PDZRN4: variants seen among roughly 807,000 people sequenced by gnomAD.
PDZRN4 encodes the protein PDZ domain-containing RING finger protein 4.
In PDZRN4, 70 loss-of-function variants were observed where a neutral mutation model predicts 99.0. That is an observed-to-expected ratio of 0.71 (90% confidence interval 0.58 to 0.86). The LOEUF (loss-of-function observed/expected upper bound fraction) is 0.86. Among genes scored for constraint, PDZRN4 ranks in the 40% least tolerant of loss-of-function variants. The pLI is 0.00. For synonymous variants in PDZRN4, 551 were observed against 501.6 expected, an observed-to-expected ratio of 1.10 and a Z score of -1.32; for missense variants, 1,474 against 1,331.2, an observed-to-expected ratio of 1.11 and a Z score of -1.67.
At chr12:41,526,508 A>G (rs1938569674) in intron 5 of PDZRN4, among the ~76,000 whole-genome samples, 2 of 152,234 alleles carry the variant, frequency 1.3e-5, no homozygotes, top group South Asian at 4.1e-4. Context: ...ATTTTAAAAC[A>G]TGATGGTAAT....
chr12:41,375,303 C>T (rs893502075), intron 3 of PDZRN4, among the ~76,000 whole-genome samples: 3 of 152,196 alleles, frequency 2.0e-5, no homozygotes, highest in Admixed American at 2.0e-4. Flanking sequence ...TCAACGAGAG[C>T]CAATACATAT....
intron 7 of PDZRN4, among the ~76,000 whole-genome samples, chr12:41,556,874 G>C (rs990373621): frequency 7.9e-5 from 12 of 151,520 alleles, no homozygotes; most frequent in African/African-American, 2.9e-4. Context: ...CAGGGGCCAG[G>C]CCCGGTGGCT....
chr12:41,254,645 T>C (rs903221822), intron 3 of PDZRN4, among the ~76,000 whole-genome samples: 1 of 152,196 alleles, frequency 6.6e-6, no homozygotes, highest in African/African-American at 2.4e-5. Context: ...ACAAGACAGA[T>C]CCTCTGCAGT....
intron 5 of PDZRN4, among the ~76,000 whole-genome samples, chr12:41,551,636 T>C (rs1304027966): frequency 6.6e-6 from 1 of 152,158 alleles, no homozygotes; most frequent in Non-Finnish European, 1.5e-5. Flanking sequence ...GCAAGACAGA[T>C]AAATTCAGAG....
chr12:41,389,578 C>T (rs899405213), intron 3 of PDZRN4, among the ~76,000 whole-genome samples: 1 of 152,138 alleles, frequency 6.6e-6, no homozygotes, highest in Non-Finnish European at 1.5e-5. Context: ...TAGAGATTAT[C>T]TAGTGCAATC....
intron 3 of PDZRN4, among the ~76,000 whole-genome samples, chr12:41,391,199 GA>G (rs1952209136): frequency 6.6e-6 from 1 of 152,186 alleles, no homozygotes; most frequent in Non-Finnish European, 1.5e-5. Flanking sequence ...CCCCCCTGAA[GA>G]AGGTTAGGGA....
chr12:41,505,224 C>T (rs73278076), intron 3 of PDZRN4, among the ~76,000 whole-genome samples: 3,502 of 152,140 alleles, frequency 0.023, 135 homozygotes, highest in African/African-American at 0.081. Context: ...TTTGCTGGTG[C>T]GTAACAGTTA....
chr12:41,286,741 G>A (rs1381712306), intron 3 of PDZRN4, among the ~76,000 whole-genome samples: 1 of 152,062 alleles, frequency 6.6e-6, no homozygotes, highest in African/African-American at 2.4e-5. Context: ...AGACCCATAG[G>A]GCAGAGAGGC....
At chr12:41,238,467 C>T (rs1470695848) in intron 3 of PDZRN4, among the ~76,000 whole-genome samples, 3 of 152,220 alleles carry the variant, frequency 2.0e-5, no homozygotes, top group Admixed American at 1.3e-4. Context: ...TTTTTGCAAC[C>T]TGTCCATCTG....
intron 5 of PDZRN4, among the ~76,000 whole-genome samples, chr12:41,539,130 T>C (rs1938802403): frequency 6.6e-6 from 1 of 151,872 alleles, no homozygotes; most frequent in African/African-American, 2.4e-5. Context: ...ATATAATATA[T>C]ATATTTTGTG....
chr12:41,303,392 G>A (rs561689457), intron 3 of PDZRN4, among the ~76,000 whole-genome samples: 55 of 152,266 alleles, frequency 3.6e-4, no homozygotes, highest in African/African-American at 1.3e-3. Flanking sequence ...ATGCCTACGG[G>A]CTTCGCAGAA....
intron 3 of PDZRN4, among the ~76,000 whole-genome samples, chr12:41,202,716 T>C (rs1379832447): frequency 6.6e-6 from 1 of 152,116 alleles, no homozygotes; most frequent in Non-Finnish European, 1.5e-5. Context: ...TTATTCATTA[T>C]GTGGTTTCAA....
At chr12:41,323,138 C>T (rs979364396) in intron 3 of PDZRN4, among the ~76,000 whole-genome samples, 12 of 152,262 alleles carry the variant, frequency 7.9e-5, no homozygotes, top group Non-Finnish European at 1.2e-4. Context: ...ATTTCCTTTA[C>T]GCCCAGCAGG....
At chr12:41,421,656 C>G (rs191948757) in intron 3 of PDZRN4, among the ~76,000 whole-genome samples, 2 of 152,282 alleles carry the variant, frequency 1.3e-5, no homozygotes, top group African/African-American at 4.8e-5. Context: ...CTGAGGGATT[C>G]CACACTTTGC....
At chr12:41,461,575 C>T (rs1952874208) in intron 3 of PDZRN4, among the ~76,000 whole-genome samples, 1 of 152,178 alleles carries the variant, frequency 6.6e-6, no homozygotes, top group African/African-American at 2.4e-5. Context: ...GGATAGCTTA[C>T]TCCTCCAGTG....
chr12:41,404,274 G>A (rs1373806384), intron 3 of PDZRN4, among the ~76,000 whole-genome samples: 2 of 152,120 alleles, frequency 1.3e-5, no homozygotes, highest in Non-Finnish European at 2.9e-5. Context: ...AGAAATGCGA[G>A]TAGCATGGCA....
At chr12:41,386,302 A>T (rs575452100) in intron 3 of PDZRN4, among the ~76,000 whole-genome samples, 2 of 152,356 alleles carry the variant, frequency 1.3e-5, no homozygotes, top group South Asian at 2.1e-4. Flanking sequence ...TAGTACTGGA[A>T]GTCCTGGCTA....
rs138245835 is a variant in PDZRN4 at position 41,555,114 on chromosome 12, A to C, written c.1303-584A>C. On this transcript the variant is annotated intron_variant, in intron 6 of 9. Coordinates refer to ENST00000402685, the MANE Select transcript of PDZRN4 (RefSeq NM_001164595.2). ...GGCGTGGTGGCAGGCATCTGTAGTCACAGCTACTCGGGAGTCTGAGGCAGG... is the reference window on the plus strand; with the variant it reads ...GGCGTGGTGGCAGGCATCTGTAGTCCCAGCTACTCGGGAGTCTGAGGCAGG... Among the ~76,000 whole-genome samples the C allele has an allele frequency of 2.6e-3, 387 of 149,384 alleles. 5 individuals are homozygous for C. The highest frequency in any genetic ancestry group is 2.6e-3 in the South Asian group (12 of 4,664).
intron 3 of PDZRN4, among the ~76,000 whole-genome samples, chr12:41,490,948 C>T (rs1311688487): frequency 6.6e-6 from 1 of 152,094 alleles, no homozygotes; most frequent in Non-Finnish European, 1.5e-5. Context: ...TTCATGGGTT[C>T]CAACAAGACA....
Sources: allele counts gnomAD v4.1 joint callset (sites outside exome capture counted in the v4.1 genomes callset), GRCh38; gene constraint gnomAD v4.1.1; transcripts MANE v1.5; gene names NCBI Gene and HGNC (gene_info 2026-07-23, HGNC 2026-07-21).